Variants in CACNA2D3 observed in about 807,000 individuals in gnomAD.
The protein encoded by CACNA2D3 is voltage-dependent calcium channel subunit alpha-2/delta-3.
Under a neutral mutation model 160.6 loss-of-function variants are expected in CACNA2D3, and 60 were observed. The observed-to-expected ratio is 0.37, with a 90% CI of 0.30 to 0.46. CACNA2D3 has a LOEUF of 0.46. Ranked by LOEUF, CACNA2D3 falls within the 20% of genes least tolerant of loss-of-function variation. CACNA2D3 has a pLI of 1.00. For missense variants in CACNA2D3, 1,205 were observed against 1,365.0 expected, an observed-to-expected ratio of 0.88 and a Z score of 1.85; for synonymous variants, 558 against 492.9, an observed-to-expected ratio of 1.13 and a Z score of -1.75.
intron 4 of CACNA2D3, among the ~76,000 whole-genome samples, chr3:54,404,588 A>T (rs951213784): frequency 6.6e-6 from 1 of 152,168 alleles, no homozygotes; most frequent in Admixed American, 6.5e-5. Flanking sequence ...AAGAATGCCC[A>T]CACTTGCCAC....
chr3:54,899,923 G>C (rs72876054), intron 27 of CACNA2D3, 55 bp downstream of exon 27: 9 of 1,274,630 alleles, frequency 7.1e-6, no homozygotes, highest in Admixed American at 2.0e-5. Flanking sequence ...CCATTCATCC[G>C]GCCAGTGGGC....
intron 27 of CACNA2D3, among the ~76,000 whole-genome samples, chr3:54,932,350 T>C (rs944209071): frequency 6.8e-6 from 1 of 148,078 alleles, no homozygotes; most frequent in Non-Finnish European, 1.5e-5. Flanking sequence ...ACCCTATAAA[T>C]ACGCGTTGGT....
chr3:54,660,412 G>T (rs1283433360), intron 11 of CACNA2D3, among the ~76,000 whole-genome samples: 1 of 152,048 alleles, frequency 6.6e-6, no homozygotes, highest in Non-Finnish European at 1.5e-5. Context: ...CACCCGCCTC[G>T]GCCTCCCAAA....
At chr3:54,854,029 G>A (rs1366365796) in intron 17 of CACNA2D3, among the ~76,000 whole-genome samples, 5 of 152,128 alleles carry the variant, frequency 3.3e-5, no homozygotes, top group South Asian at 4.1e-4. Flanking sequence ...CCGAGTACCC[G>A]GTCCCCATGC....
chr3:54,355,169 G>A (rs1559458975), intron 3 of CACNA2D3, among the ~76,000 whole-genome samples: 1 of 152,222 alleles, frequency 6.6e-6, no homozygotes, highest in Non-Finnish European at 1.5e-5. Flanking sequence ...AGATGTGACA[G>A]TTTGACACTG....
intron 30 of CACNA2D3, 91 bp from the exon 31 acceptor site, chr3:54,987,592 C>A: frequency 1.3e-6 from 1 of 794,916 alleles, no homozygotes; most frequent in Non-Finnish European, 2.0e-6. Context: ...CCTGTCAGTT[C>A]CAGGACACAG....
intron 2 of CACNA2D3, among the ~76,000 whole-genome samples, chr3:54,294,630 C>T (rs1290789956): frequency 6.6e-6 from 1 of 152,212 alleles, no homozygotes; most frequent in East Asian, 1.9e-4. Context: ...AAAAACAACA[C>T]ACATGTGAGT....
intron 11 of CACNA2D3, among the ~76,000 whole-genome samples, chr3:54,740,941 A>G (rs1701636316): frequency 6.6e-6 from 1 of 152,196 alleles, no homozygotes; most frequent in African/African-American, 2.4e-5. Context: ...CTGCTTCTGC[A>G]GGGTGGTACG....
At chr3:54,839,407 A>G (rs1698771598) in intron 16 of CACNA2D3, among the ~76,000 whole-genome samples, 1 of 152,184 alleles carries the variant, frequency 6.6e-6, no homozygotes, top group South Asian at 2.1e-4. Flanking sequence ...ACTGCCCAAG[A>G]GTGCTCTAAA....
chr3:54,711,677 ATC>A, intron 11 of CACNA2D3, among the ~76,000 whole-genome samples: 1 of 152,342 alleles, frequency 6.6e-6, no homozygotes, highest in South Asian at 2.1e-4. Flanking sequence ...AGGAAGCCAC[ATC>A]TCTGAACATA....
chr3:54,833,286 T>C (rs11130435), intron 14 of CACNA2D3, among the ~76,000 whole-genome samples: 22,071 of 152,212 alleles, frequency 0.15, 1,839 homozygotes, highest in African/African-American at 0.22. Flanking sequence ...GCTTAAAGCC[T>C]GGGCAAGTGT....
At chr3:54,973,915 C>G (rs1702328736) in intron 29 of CACNA2D3, among the ~76,000 whole-genome samples, 1 of 152,178 alleles carries the variant, frequency 6.6e-6, no homozygotes, top group African/African-American at 2.4e-5. Flanking sequence ...GTGGCACCTT[C>G]CTGTGCCTGA....
At chr3:54,834,259 ACATGT>A (rs761611577) in intron 14 of CACNA2D3, among the ~76,000 whole-genome samples, 7 of 152,324 alleles carry the variant, frequency 4.6e-5, no homozygotes, top group Middle Eastern at 6.8e-3. Flanking sequence ...CATCCATGTT[ACATGT>A]TGGCACTGCT....
At position 54,451,229 on chromosome 3, in the gene CACNA2D3, C is replaced by CTTTTTTTTTTTTTT. The variant is rs71074970; in HGVS notation, c.382-52244_382-52231dup. Among the ~76,000 whole-genome samples, 12 of 51,752 alleles carry CTTTTTTTTTTTTTT rather than the reference C, an allele frequency of 2.3e-4. 2 individuals carry two copies. Among genetic ancestry groups the CTTTTTTTTTTTTTT allele is most frequent in the East Asian group, 7.0e-4 (1 of 1,420 alleles). The allele number at this position is 51,752 out of a possible 152,430, so 34.0% of individuals were successfully genotyped here. On this transcript the variant is annotated intron_variant, in intron 4 of 37. Coordinates refer to ENST00000474759, the MANE Select transcript of CACNA2D3 (RefSeq NM_018398.3). ...TGTCCCTTTCTGCTGATATAATAATCTTTTTTTTTTTTTTTTTTTTTTTTT... is the reference window on the plus strand; with the variant it reads ...TGTCCCTTTCTGCTGATATAATAATCTTTTTTTTTTTTTTTTTTTTTTTTTTTTTTTTTTTTTTT...
chr3:55,044,458 T>C (rs1033529579), intron 35 of CACNA2D3, among the ~76,000 whole-genome samples: 4 of 152,194 alleles, frequency 2.6e-5, no homozygotes, highest in African/African-American at 7.2e-5. Flanking sequence ...TTCTGAACTT[T>C]TCTAAACTAA....
At chr3:54,860,314 C>T (rs1699264732) in intron 17 of CACNA2D3, among the ~76,000 whole-genome samples, 1 of 152,114 alleles carries the variant, frequency 6.6e-6, no homozygotes, top group Non-Finnish European at 1.5e-5. Flanking sequence ...AATATTAGAA[C>T]CAGTTAAAAT....
chr3:54,954,545 C>T (rs78720911), intron 27 of CACNA2D3, among the ~76,000 whole-genome samples: 2,844 of 152,294 alleles, frequency 0.019, 44 homozygotes, highest in Non-Finnish European at 0.031. Flanking sequence ...CCTTCGGCTT[C>T]CCTTTGATTC....
At chr3:54,774,605 A>G (rs1388242535) in intron 13 of CACNA2D3, among the ~76,000 whole-genome samples, 1 of 140,638 alleles carries the variant, frequency 7.1e-6, no homozygotes, top group Non-Finnish European at 1.6e-5. Flanking sequence ...TAATCCCAAT[A>G]TTATTTTGAC....
At chr3:54,239,287 T>C (rs1023594557) in intron 2 of CACNA2D3, among the ~76,000 whole-genome samples, 1 of 152,226 alleles carries the variant, frequency 6.6e-6, no homozygotes, top group Non-Finnish European at 1.5e-5. Flanking sequence ...ATGCAGTTAT[T>C]GTACTGGTTA....
Sources: gnomAD v4.1 joint callset for allele counts (sites outside exome capture counted in the v4.1 genomes callset) on GRCh38, gnomAD v4.1.1 for gene constraint, MANE v1.5 for transcripts, NCBI Gene and HGNC (gene_info 2026-07-23, HGNC 2026-07-21) for gene names.